The following NBN variants were observed in gnomAD, a reference collection of about 807,000 sequenced individuals.
NBN encodes Nijmegen breakage syndrome 1 (nibrin).
Under a neutral mutation model 90.8 loss-of-function variants are expected in NBN, and 88 were observed. That is an observed-to-expected ratio of 0.97 (90% CI 0.82 to 1.16). NBN has a LOEUF of 1.16. NBN is among the 50% of genes most tolerant of loss of function. The pLI, the probability that NBN is intolerant of heterozygous loss-of-function variation, is 0.00. For synonymous variants in NBN, 328 were observed against 295.1 expected, an observed-to-expected ratio of 1.11 and a Z score of -1.14; for missense variants, 894 against 869.6, an observed-to-expected ratio of 1.03 and a Z score of -0.35.
chr8:89,958,226 C>G (rs13312905), intron 9 of NBN, among the ~76,000 whole-genome samples: 2 of 152,098 alleles, frequency 1.3e-5, no homozygotes, highest in Non-Finnish European at 2.9e-5. Flanking sequence ...CTAGCTTGCC[C>G]GCTGATCACC....
chr8:89,945,611 C>T (rs917331199), intron 13 of NBN, among the ~76,000 whole-genome samples: 20 of 152,080 alleles, frequency 1.3e-4, no homozygotes, highest in African/African-American at 4.6e-4. Flanking sequence ...AAAAGAATAC[C>T]TACTGGATAG....
chr8:89,973,097 A>G (rs1315970485), intron 5 of NBN, among the ~76,000 whole-genome samples: 1 of 152,188 alleles, frequency 6.6e-6, no homozygotes, highest in African/African-American at 2.4e-5. Context: ...TTCTAACTTT[A>G]TTAGTGTCAT....
intron 11 of NBN, 100 bp downstream of exon 11, chr8:89,953,138 TGTTAAA>T: frequency 1.2e-6 from 1 of 820,704 alleles, no homozygotes; most frequent in South Asian, 1.4e-5. Flanking sequence ...TAGTACTGAG[TGTTAAA>T]GACATTAATG....
chr8:89,933,789 A>T lies in NBN; in HGVS notation c.*1793T>A, dbSNP rs1809541416. ...TTCTATTCATCAAAAGACATAAAGA[A>T]AACAGTCAAGCCACAGACTAGGTGT... On this transcript the variant is annotated 3_prime_UTR_variant, in exon 16 of 16. Coordinates refer to ENST00000265433, the MANE Select transcript of NBN (RefSeq NM_002485.5). 4.3e-6 allele frequency: 1 copy of T among 232,504 alleles called. No individual in the cohort carries two copies. Among genetic ancestry groups the T allele is most frequent in the African/African-American group, 2.2e-5 (1 of 45,326 alleles). The allele number at this position is 232,504 out of a possible 1,614,324, so 14.4% of individuals were successfully genotyped here.
rs906632922 is a variant in NBN at position 89,935,070 on chromosome 8, A to T, written c.*512T>A. 7 of 233,708 alleles carry T rather than the reference A, an allele frequency of 3.0e-5. No homozygotes were observed. Among genetic ancestry groups the T allele is most frequent in the Non-Finnish European group, 5.9e-5 (7 of 118,700 alleles). The allele number at this position is 233,708 out of a possible 1,614,324, so 14.5% of individuals were successfully genotyped here. ...AGCATAATGGAAAAGAAAAAATATT[A>T]AAAACATTATATTGATATTCCTATA... On this transcript the variant is annotated 3_prime_UTR_variant, in exon 16 of 16. Coordinates refer to ENST00000265433, the MANE Select transcript of NBN (RefSeq NM_002485.5).
At chr8:89,955,576 G>A in intron 9 of NBN, 21 bp from the exon 10 acceptor site, 2 of 1,608,992 alleles carry the variant, frequency 1.2e-6, no homozygotes, top group Non-Finnish European at 1.7e-6. Context: ...AGAAAAGAAT[G>A]CAAGGTAAAT....
chr8:89,940,847 C>T (rs1290603514), intron 14 of NBN, among the ~76,000 whole-genome samples: 3 of 152,090 alleles, frequency 2.0e-5, no homozygotes, highest in Non-Finnish European at 4.4e-5. Flanking sequence ...AAATAGCTAA[C>T]ACTTCCCACT....
chr8:89,947,337 C>T (rs971199144), intron 12 of NBN, among the ~76,000 whole-genome samples: 2 of 152,106 alleles, frequency 1.3e-5, no homozygotes, highest in Admixed American at 6.6e-5. Flanking sequence ...GGTTATAATA[C>T]GATCTATCCA....
chr8:89,944,205 C>T (rs982560935), intron 13 of NBN, among the ~76,000 whole-genome samples: 2 of 152,138 alleles, frequency 1.3e-5, no homozygotes, highest in Non-Finnish European at 2.9e-5. Flanking sequence ...AAAACTTCTT[C>T]TCTAAGCAAT....
intron 8 of NBN, among the ~76,000 whole-genome samples, chr8:89,959,574 G>A (rs1169755102): frequency 6.6e-6 from 1 of 151,578 alleles, no homozygotes; most frequent in East Asian, 1.9e-4. Flanking sequence ...GCAACACTGG[G>A]AGACCCCATC....
intron 4 of NBN, among the ~76,000 whole-genome samples, 157 bp downstream of exon 4, chr8:89,980,577 A>G (rs1812010175): frequency 6.6e-6 from 1 of 152,094 alleles, no homozygotes; most frequent in Non-Finnish European, 1.5e-5. Flanking sequence ...AAGCCACTCA[A>G]GCCTAAATGG....
intron 1 of NBN, 185 bp downstream of exon 1, chr8:89,984,340 G>A (rs1812225904): frequency 4.5e-6 from 3 of 661,622 alleles, no homozygotes; most frequent in Non-Finnish European, 5.4e-6. Context: ...CTGAATTCCA[G>A]CTCACAGCCG....
intron 11 of NBN, among the ~76,000 whole-genome samples, chr8:89,951,060 A>G (rs576506970): frequency 2.2e-4 from 33 of 152,080 alleles, no homozygotes; most frequent in Admixed American, 5.2e-4. Context: ...AAAAAAAATT[A>G]AAGTCACTTT....
At chr8:89,972,135 C>T (rs1299781298) in intron 5 of NBN, among the ~76,000 whole-genome samples, 1 of 152,170 alleles carries the variant, frequency 6.6e-6, no homozygotes, top group South Asian at 2.1e-4. Context: ...CAGAGATCAA[C>T]ATCCAACGTG....
intron 7 of NBN, among the ~76,000 whole-genome samples, chr8:89,969,678 G>T (rs545630513): frequency 3.3e-5 from 5 of 152,262 alleles, no homozygotes; most frequent in African/African-American, 1.2e-4. Flanking sequence ...TCGGCCGGGC[G>T]CAGTAGCTCA....
At chr8:89,940,250 G>A (rs774215627) in intron 14 of NBN, among the ~76,000 whole-genome samples, 1 of 151,898 alleles carries the variant, frequency 6.6e-6, no homozygotes, top group Non-Finnish European at 1.5e-5. Flanking sequence ...ACCATGACCC[G>A]CTAATTTGTT....
In NBN at chr8:89,984,357, T is replaced by A. The variant is rs1338017084; in HGVS notation, c.37+168A>T. ...GAATTCCAGCTCACAGCCGCCGTGCTGCCCGGGAAGAATATGCGCTTGCCA... is the reference window on the plus strand; with the variant it reads ...GAATTCCAGCTCACAGCCGCCGTGCAGCCCGGGAAGAATATGCGCTTGCCA... On this transcript the variant is annotated intron_variant, in intron 1 of 15. Coordinates refer to ENST00000265433, the MANE Select transcript of NBN (RefSeq NM_002485.5). 4 of 694,094 alleles carry A rather than the reference T, an allele frequency of 5.8e-6. No individual in the cohort carries two copies. The African/African-American group carries it at 7.2e-5, about 12-fold the overall frequency. 43.0% of individuals were successfully genotyped at this position (694,094 alleles called of 1,614,324 possible). A position where few individuals can be genotyped will look rare whatever the true frequency, so the allele number is the denominator to read the frequency against.
chr8:89,954,169 A>C (rs966185625), intron 10 of NBN, among the ~76,000 whole-genome samples: 3 of 152,136 alleles, frequency 2.0e-5, no homozygotes, highest in African/African-American at 7.2e-5. Flanking sequence ...TGCTATGTGA[A>C]TATATCACTA....
chr8:89,975,615 T>C (rs1811718077), intron 5 of NBN, among the ~76,000 whole-genome samples: 1 of 152,178 alleles, frequency 6.6e-6, no homozygotes, highest in Non-Finnish European at 1.5e-5. Context: ...GATTCAACAA[T>C]CTTATGGTAG....
Sources: gnomAD v4.1 joint callset for allele counts (sites outside exome capture counted in the v4.1 genomes callset) on GRCh38, gnomAD v4.1.1 for gene constraint, MANE v1.5 for transcripts, NCBI Gene and HGNC (gene_info 2026-07-23, HGNC 2026-07-21) for gene names.